Variants in SCMH1 observed in about 807,000 individuals in gnomAD.
The protein encoded by SCMH1 is polycomb protein SCMH1.
In SCMH1, 37 loss-of-function variants were observed where a neutral mutation model predicts 70.8. The observed-to-expected ratio is 0.52, with a 90% CI of 0.40 to 0.69. The LOEUF (loss-of-function observed/expected upper bound fraction) is 0.69, where lower values mean the gene tolerates loss of function less well. Ranked by LOEUF, SCMH1 falls within the 30% of genes least tolerant of loss-of-function variation. The pLI is 0.00. For missense variants in SCMH1, 607 were observed against 827.3 expected, an observed-to-expected ratio of 0.73 and a Z score of 3.27; for synonymous variants, 292 against 307.4, an observed-to-expected ratio of 0.95 and a Z score of 0.52.
intron 2 of SCMH1, among the ~76,000 whole-genome samples, chr1:41,168,824 C>G (rs1009623439): frequency 1.3e-5 from 2 of 152,094 alleles, no homozygotes; most frequent in Admixed American, 1.3e-4. Context: ...AGACTGCTGT[C>G]TCTTTTTTGA....
chr1:41,084,420 C>T (rs538620494), intron 8 of SCMH1, among the ~76,000 whole-genome samples: 26 of 152,294 alleles, frequency 1.7e-4, no homozygotes, highest in African/African-American at 6.0e-4. Flanking sequence ...ATCAAAACCA[C>T]AATGAGATAC....
intron 10 of SCMH1, among the ~76,000 whole-genome samples, chr1:41,068,232 A>C (rs1288041331): frequency 6.6e-6 from 1 of 152,182 alleles, no homozygotes; most frequent in Non-Finnish European, 1.5e-5. Context: ...CTCAATACAA[A>C]GTTTGGAAGA....
rs55721560 is a variant in SCMH1 at position 41,087,937 on chromosome 1, G to GGTGTGT, written c.746-12492_746-12487dup. Among the ~76,000 whole-genome samples, 595 of 139,902 alleles carry GGTGTGT rather than the reference G, an allele frequency of 4.3e-3. 4 individuals are homozygous for GGTGTGT. Among genetic ancestry groups the GGTGTGT allele is most frequent in the East Asian group, 0.024 (116 of 4,788 alleles). The allele number at this position is 139,902 out of a possible 152,430, so 91.8% of individuals were successfully genotyped here. ...AATCTATACACTATATATAGTTTCT[G>GGTGTGT]GTGTGTGTGTGTGTGTGTGTGTGTG... On this transcript the variant is annotated intron_variant, in intron 8 of 14. Coordinates refer to ENST00000337495, the Ensembl canonical transcript of SCMH1.
chr1:41,040,721 G>A (rs60962409), intron 12 of SCMH1, among the ~76,000 whole-genome samples: 2,036 of 151,990 alleles, frequency 0.013, 45 homozygotes, highest in African/African-American at 0.047. Context: ...AAAATTAGCC[G>A]GGCGTGGTGG....
intron 6 of SCMH1, among the ~76,000 whole-genome samples, chr1:41,126,666 C>T (rs567077181): frequency 6.6e-6 from 1 of 152,068 alleles, no homozygotes; most frequent in East Asian, 1.9e-4. Context: ...TATATACTTT[C>T]TGCAACTTTC....
At chr1:41,028,121 G>T in exon 15 of SCMH1, 1 of 1,591,224 alleles carries the variant, frequency 6.3e-7, no homozygotes, top group Non-Finnish European at 8.6e-7. Context: ...GCCTGGGGTG[G>T]GCTGATGCCC....
chr1:41,078,906 T>C (rs1263877803), intron 8 of SCMH1, among the ~76,000 whole-genome samples: 1 of 152,196 alleles, frequency 6.6e-6, no homozygotes, highest in Admixed American at 6.5e-5. Flanking sequence ...TTTAAAACAA[T>C]AATAAAAATG....
chr1:41,046,316 C>T, intron 12 of SCMH1, 91 bp downstream of exon 12: 1 of 1,101,924 alleles, frequency 9.1e-7, no homozygotes. Context: ...GGTGCCAGGC[C>T]AGTAGTTCTG....
chr1:41,039,951 C>T (rs1329817540), intron 12 of SCMH1, among the ~76,000 whole-genome samples: 2 of 147,188 alleles, frequency 1.4e-5, no homozygotes, highest in Non-Finnish European at 3.0e-5. Context: ...TGCCAAAAAA[C>T]TTTTTTTTTT....
At chr1:41,088,914 A>G (rs962955768) in intron 8 of SCMH1, among the ~76,000 whole-genome samples, 1 of 152,238 alleles carries the variant, frequency 6.6e-6, no homozygotes. Flanking sequence ...AATGATGGGC[A>G]TGTCCCAGGA....
At chr1:41,164,639 A>C (rs1313864679) in intron 2 of SCMH1, among the ~76,000 whole-genome samples, 1 of 152,124 alleles carries the variant, frequency 6.6e-6, no homozygotes, top group Non-Finnish European at 1.5e-5. Flanking sequence ...ACTGTGGATG[A>C]AGTGTCTCTG....
At chr1:41,058,063 A>C (rs1651078408) in intron 10 of SCMH1, among the ~76,000 whole-genome samples, 1 of 149,718 alleles carries the variant, frequency 6.7e-6, no homozygotes, top group South Asian at 2.2e-4. Context: ...CTGAGGCTGC[A>C]GTGAGCTGTG....
chr1:41,068,546 C>T (rs1264893916), intron 10 of SCMH1, among the ~76,000 whole-genome samples: 1 of 152,114 alleles, frequency 6.6e-6, no homozygotes, highest in African/African-American at 2.4e-5. Context: ...GCTGGGACTA[C>T]AGGCATGTGC....
intron 1 of SCMH1, among the ~76,000 whole-genome samples, chr1:41,236,235 G>C (rs1662350938): frequency 6.6e-6 from 1 of 152,142 alleles, no homozygotes; most frequent in Non-Finnish European, 1.5e-5. Flanking sequence ...AAGAAGTAAT[G>C]GTCCAGATAT....
At chr1:41,037,269 A>G (rs1426209258) in intron 13 of SCMH1, 93 bp downstream of exon 13, 2 of 1,310,522 alleles carry the variant, frequency 1.5e-6, no homozygotes, top group East Asian at 2.3e-5. Context: ...AGAGGGCAAC[A>G]GAGCTAGGTC....
At chr1:41,067,674 C>A (rs1421385075) in intron 10 of SCMH1, among the ~76,000 whole-genome samples, 1 of 151,936 alleles carries the variant, frequency 6.6e-6, no homozygotes, top group Non-Finnish European at 1.5e-5. Flanking sequence ...TAGGCAGAGA[C>A]CAGAGGGTTT....
chr1:41,105,122 ATT>A (rs577319762), intron 8 of SCMH1, among the ~76,000 whole-genome samples: 6 of 143,688 alleles, frequency 4.2e-5, no homozygotes, highest in African/African-American at 5.1e-5. Context: ...TGCTCAGCTA[ATT>A]TTTTTTTTTT....
intron 1 of SCMH1, among the ~76,000 whole-genome samples, chr1:41,206,507 A>G (rs1655578632): frequency 6.6e-6 from 1 of 152,234 alleles, no homozygotes; most frequent in South Asian, 2.1e-4. Flanking sequence ...AAAAGAGTAA[A>G]AAGAAATGAA....
chr1:41,192,493 G>GACACACACACACAC (rs1491283443), intron 1 of SCMH1, among the ~76,000 whole-genome samples: 3 of 68,938 alleles, frequency 4.4e-5, no homozygotes, highest in South Asian at 4.8e-4. Context: ...GATTAAATAG[G>GACACACACACACAC]AGACACACAC....
Sources: gnomAD v4.1 joint callset for allele counts (sites outside exome capture counted in the v4.1 genomes callset) on GRCh38, gnomAD v4.1.1 for gene constraint, MANE v1.5 for transcripts, NCBI Gene and HGNC (gene_info 2026-07-23, HGNC 2026-07-21) for gene names.